ELMOD3: variants seen among roughly 807,000 people sequenced by gnomAD.
The protein encoded by ELMOD3 is ELMO domain-containing protein 3.
A neutral mutation model predicts 47.4 loss-of-function variants in ELMOD3; 36 were observed. The ratio of observed to expected loss-of-function variants is 0.76; its 90% CI spans 0.58 to 1.00. The LOEUF is 1.00. Among genes scored for constraint, ELMOD3 ranks in the 50% least tolerant of loss-of-function variants. ELMOD3 has a pLI of 0.00. For synonymous variants in ELMOD3, 149 were observed against 183.5 expected (o/e 0.81, Z 1.52); for missense variants, 404 against 463.8 (o/e 0.87, Z 1.18).
chr2:85,365,427 T>C (rs1684316011), intron 6 of ELMOD3, among the ~76,000 whole-genome samples: 1 of 152,062 alleles, frequency 6.6e-6, no homozygotes, highest in Non-Finnish European at 1.5e-5. Context: ...TTGGCAGTGC[T>C]CTTGACTATA....
At chr2:85,371,348 G>A (rs1423113270) in intron 9 of ELMOD3, 92 bp from the exon 10 acceptor site, 2 of 1,593,842 alleles carry the variant, frequency 1.3e-6, no homozygotes, top group South Asian at 2.2e-5. Context: ...AGAACTGGAT[G>A]TCTCACAGTC....
At chr2:85,366,394 G>A (rs1684389669) in intron 6 of ELMOD3, among the ~76,000 whole-genome samples, 1 of 152,136 alleles carries the variant, frequency 6.6e-6, no homozygotes, top group Non-Finnish European at 1.5e-5. Context: ...GAACTCCAAG[G>A]CTCAGTGTCT....
At chr2:85,383,744 TAGG>T (rs1214940829) in intron 11 of ELMOD3, among the ~76,000 whole-genome samples, 9 of 152,192 alleles carry the variant, frequency 5.9e-5, no homozygotes, top group Admixed American at 4.6e-4. Flanking sequence ...CAAGCATGGA[TAGG>T]AGATTTGTCA....
At chr2:85,361,010 G>C (rs1353267394) in intron 4 of ELMOD3, 4 of 152,890 alleles carry the variant, frequency 2.6e-5, no homozygotes, top group African/African-American at 9.7e-5. Flanking sequence ...GTAGAGACAG[G>C]GTCTCCGCAT....
At chr2:85,378,432 T>C (rs1344267752) in intron 11 of ELMOD3, among the ~76,000 whole-genome samples, 1 of 152,156 alleles carries the variant, frequency 6.6e-6, no homozygotes, top group Non-Finnish European at 1.5e-5. Context: ...TTTTATACAT[T>C]TTAGGGAGAC....
intron 11 of ELMOD3, among the ~76,000 whole-genome samples, chr2:85,382,117 A>C (rs1273849111): frequency 1.2e-4 from 3 of 24,174 alleles, no homozygotes; most frequent in Non-Finnish European, 3.0e-4. Context: ...ACTCCTTCTC[A>C]AAAAAAAAAA....
rs1424606993 is a variant in ELMOD3, at chr2:85,371,555, C to T, written c.600C>T (p.Gly200=). Residue 200 remains glycine, a synonymous_variant, in exon 10 of 14, where the codon GGC becomes GGT. Coordinates refer to ENST00000409013, the MANE Select transcript of ELMOD3 (RefSeq NM_001135022.2). ...ATGGAAACCACTGGGAGGACCTGGG[C>T]TTTCAGGGTAAGAGGGAGGAGTAGC... ...ALHGNHWEDL[G]FQGANPATDL... is the part of the protein sequence containing the mutation. 6.2e-7 allele frequency: 1 copy of T among 1,614,072 alleles called. No homozygotes were observed. Among genetic ancestry groups the T allele is most frequent in the Non-Finnish European group, 8.5e-7 (1 of 1,180,040 alleles).
At chr2:85,371,744 C>A in intron 10 of ELMOD3, 182 bp downstream of exon 10, 1 of 819,948 alleles carries the variant, frequency 1.2e-6, no homozygotes. Context: ...TGAAAAATAG[C>A]AAGAGTAGGT....
chr2:85,357,744 C>G lies in ELMOD3; in HGVS notation c.54+492C>G, dbSNP rs1372245739. Among the ~76,000 whole-genome samples, 6 of 152,148 alleles carry G rather than the reference C, an allele frequency of 3.9e-5. No individual in the cohort carries two copies. In the East Asian group the frequency reaches 1.2e-3, roughly 29 times the overall value. On this transcript the variant is annotated intron_variant, in intron 4 of 13. Coordinates refer to ENST00000409013, the MANE Select transcript of ELMOD3 (RefSeq NM_001135022.2). ...GGACAAAGCCTTTGCTTTGGGTCTCCAGAAAGATTTTCTTCACTGTAGTAA... is the reference window on the plus strand; with the variant it reads ...GGACAAAGCCTTTGCTTTGGGTCTCGAGAAAGATTTTCTTCACTGTAGTAA...
chr2:85,386,381 CTTTTT>C (rs570387148), intron 11 of ELMOD3, among the ~76,000 whole-genome samples: 9 of 62,460 alleles, frequency 1.4e-4, no homozygotes, highest in East Asian at 5.7e-4. Context: ...GATACGTAGG[CTTTTT>C]TTTTTTTTTT....
chr2:85,390,007 T>C (rs774305956), intron 12 of ELMOD3, 131 bp from the exon 13 acceptor site: 12 of 1,127,300 alleles, frequency 1.1e-5, no homozygotes, highest in African/African-American at 1.5e-5. Context: ...GATGTCAGGC[T>C]CCTGGGGAAT....
intron 11 of ELMOD3, among the ~76,000 whole-genome samples, chr2:85,387,482 T>C (rs1386697836): frequency 2.0e-5 from 3 of 151,860 alleles, no homozygotes; most frequent in Non-Finnish European, 4.4e-5. Context: ...GCCAACATGG[T>C]GAAACCCTGT....
chr2:85,363,035 C>G, intron 5 of ELMOD3, 62 bp from the exon 6 acceptor site: 1 of 1,016,892 alleles, frequency 9.8e-7, no homozygotes, highest in African/African-American at 1.6e-5. Context: ...GGGTGGGAAG[C>G]GTTTGTGTAT....
Position 85,376,582 on chromosome 2 carries a change from G to A in ELMOD3, c.608-762G>A, listed in dbSNP as rs947977287. 2.6e-5 allele frequency among the ~76,000 whole-genome samples: 4 copies of A among 152,182 alleles called. No homozygotes were observed. Among genetic ancestry groups the A allele is most frequent in the Non-Finnish European group, 4.4e-5 (3 of 68,016 alleles). On this transcript the variant is annotated intron_variant, in intron 10 of 13. Transcript: ENST00000409013. This position sits in a 1 kb window ranked among gnomAD's most constrained non-coding sequence, Gnocchi z 4.2. ...AGCTCCCTGCCCGGCCTTCTCTGACGCTACCCTTGTGGAGCTAAGGGGTGC... is the reference window on the plus strand; with the variant it reads ...AGCTCCCTGCCCGGCCTTCTCTGACACTACCCTTGTGGAGCTAAGGGGTGC...
chr2:85,389,727 T>C (rs372251717), intron 11 of ELMOD3, 24 bp from the exon 12 acceptor site: 22 of 1,610,568 alleles, frequency 1.4e-5, no homozygotes, highest in Middle Eastern at 1.6e-4. Flanking sequence ...GAGTTGCTGC[T>C]GACTGGGTGC....
chr2:85,368,552 C>T, intron 6 of ELMOD3, 134 bp from the exon 7 acceptor site: 1 of 736,492 alleles, frequency 1.4e-6, no homozygotes. Flanking sequence ...TGCACTCCAG[C>T]CTGGGCAACA....
At chr2:85,370,965 G>T in intron 8 of ELMOD3, 121 bp from the exon 9 acceptor site, 2 of 1,212,028 alleles carry the variant, frequency 1.7e-6, no homozygotes, top group Non-Finnish European at 2.4e-6. Flanking sequence ...TGGCCCAAAG[G>T]CCAGCCAGAT....
At chr2:85,379,691 G>T (rs868721444) in intron 11 of ELMOD3, among the ~76,000 whole-genome samples, 1 of 152,124 alleles carries the variant, frequency 6.6e-6, no homozygotes. Context: ...TGGTAGGACC[G>T]ATTTGCTTTA....
chr2:85,369,303 C>T (rs1022867140), intron 7 of ELMOD3, among the ~76,000 whole-genome samples: 1 of 152,222 alleles, frequency 6.6e-6, no homozygotes, highest in Non-Finnish European at 1.5e-5. Flanking sequence ...ATATTGCTAA[C>T]TAATCAGTTA....
Sources: allele counts gnomAD v4.1 joint callset (sites outside exome capture counted in the v4.1 genomes callset), GRCh38; gene constraint gnomAD v4.1.1; non-coding constraint Gnocchi (gnomAD v3.1); transcripts MANE v1.5; gene names NCBI Gene and HGNC (gene_info 2026-07-23, HGNC 2026-07-21).